The following ASNS variants were observed in gnomAD, a reference collection of about 807,000 sequenced individuals.
ASNS encodes the protein asparagine synthetase (glutamine-hydrolyzing).
ASNS carries 37 observed loss-of-function variants against 62.6 expected under a neutral mutation model. That is an observed-to-expected ratio of 0.59 (90% CI 0.45 to 0.78). The LOEUF (loss-of-function observed/expected upper bound fraction) is 0.78. Ranked by LOEUF, ASNS falls within the 30% of genes least tolerant of loss-of-function variation. ASNS has a pLI of 0.00. For missense variants in ASNS, 520 were observed against 682.4 expected (o/e 0.76, Z 2.65); for synonymous variants, 207 against 237.9 (o/e 0.87, Z 1.19).
the ASNS span, among the ~76,000 whole-genome samples, chr7:97,888,326 C>CTTTT: frequency 2.3e-5 from 3 of 132,422 alleles, no homozygotes; most frequent in African/African-American, 5.4e-5. Flanking sequence ...GGGTTGCTTT[C>CTTTT]TTTTTTTTTT....
chr7:97,854,158 C>T (rs1012392190), intron 10 of ASNS, among the ~76,000 whole-genome samples: 1 of 152,196 alleles, frequency 6.6e-6, no homozygotes, highest in African/African-American at 2.4e-5. Flanking sequence ...ACTACAGCAC[C>T]ACATGGGCAT....
chr7:97,897,492 C>G, the ASNS span, among the ~76,000 whole-genome samples: 64 of 152,232 alleles, frequency 4.2e-4, no homozygotes, highest in African/African-American at 1.2e-3. Context: ...TACAAATCAC[C>G]AAGTTTATGA....
At chr7:97,855,278 G>T (rs1274285876) in intron 9 of ASNS, 75 bp downstream of exon 9, 9 of 1,067,400 alleles carry the variant, frequency 8.4e-6, no homozygotes, top group Non-Finnish European at 1.3e-5. Flanking sequence ...CATACTGAAA[G>T]ATGATAGAAA....
At chr7:97,917,803 T>C in the ASNS span, among the ~76,000 whole-genome samples, 1 of 152,154 alleles carries the variant, frequency 6.6e-6, no homozygotes, top group Non-Finnish European at 1.5e-5. Flanking sequence ...GCAATGACAG[T>C]CAACCACGTA....
rs763435072 is a variant in ASNS at position 97,853,393 on chromosome 7, G to T, written c.1239-7C>A. 12 of 1,609,032 alleles carry T rather than the reference G, an allele frequency of 7.5e-6. No individual in the cohort carries two copies. Among genetic ancestry groups the T allele is most frequent in the Non-Finnish European group, 1.0e-5 (12 of 1,178,034 alleles). On this transcript the variant is annotated splice_region_variant and splice_polypyrimidine_tract_variant and intron_variant, in intron 10 of 12. Transcript: ENST00000394308. ...TGGGACTCTCAGTTCAAGACTTAAA[G>T]GAGAAAAGAAGAAAATCTAAATTAA... is the stretch of plus-strand genomic sequence containing the variant.
the ASNS span, among the ~76,000 whole-genome samples, chr7:97,901,130 T>C: frequency 3.3e-5 from 5 of 152,216 alleles, no homozygotes; most frequent in African/African-American, 1.2e-4. Context: ...ATCAAGGTGC[T>C]GGCCCAGCCA....
At chr7:97,854,771 C>A in intron 9 of ASNS, 91 bp from the exon 10 acceptor site, 3 of 1,579,736 alleles carry the variant, frequency 1.9e-6, no homozygotes, top group Non-Finnish European at 2.6e-6. Context: ...GTGGATAAGA[C>A]AAAAAGTTAA....
the ASNS span, among the ~76,000 whole-genome samples, chr7:97,925,193 T>C: frequency 6.6e-6 from 1 of 152,242 alleles, no homozygotes; most frequent in African/African-American, 2.4e-5. Flanking sequence ...TACTGTCTTA[T>C]TATCTCAGTA....
At chr7:97,912,690 C>T in the ASNS span, among the ~76,000 whole-genome samples, 1 of 140,692 alleles carries the variant, frequency 7.1e-6, no homozygotes, top group South Asian at 2.3e-4. Context: ...TCAAATGATT[C>T]TTGTGCCTCA....
the ASNS span, among the ~76,000 whole-genome samples, chr7:97,889,501 G>A: frequency 1.3e-5 from 2 of 151,170 alleles, no homozygotes; most frequent in Non-Finnish European, 2.9e-5. Context: ...TGGTGACAGA[G>A]CTAGACTCCA....
Position 97,854,291 on chromosome 7 carries a change from T to C in ASNS, c.1238+289A>G, listed in dbSNP as rs77387350. On this transcript the variant is annotated intron_variant, in intron 10 of 12. Coordinates refer to ENST00000394308, the MANE Select transcript of ASNS (RefSeq NM_001673.5). ...TGGTTGTTCAGATGTGAGCAGAATG[T>C]TGTTACCCTTTAAAGGTGAAAACTC... 0.023 allele frequency among the ~76,000 whole-genome samples: 3,535 copies of C among 152,274 alleles called. 147 individuals are homozygous for C. Among genetic ancestry groups the C allele is most frequent in the African/African-American group, 0.08 (3,343 of 41,534 alleles).
the ASNS span, among the ~76,000 whole-genome samples, chr7:97,920,750 C>T: frequency 1.3e-5 from 2 of 152,248 alleles, no homozygotes; most frequent in East Asian, 3.8e-4. Context: ...AAATTAAATG[C>T]ACCATCTGGT....
the ASNS span, among the ~76,000 whole-genome samples, chr7:97,900,061 C>T: frequency 2.0e-5 from 3 of 150,412 alleles, no homozygotes; most frequent in Non-Finnish European, 4.4e-5. Context: ...TGGCTAGAAT[C>T]GAAGATAGAG....
chr7:97,912,210 C>T, the ASNS span, among the ~76,000 whole-genome samples: 63 of 152,314 alleles, frequency 4.1e-4, no homozygotes, highest in African/African-American at 1.4e-3. Context: ...AAGTCTCTGT[C>T]TCTAGAGATA....
intron 7 of ASNS, among the ~76,000 whole-genome samples, chr7:97,857,637 A>C (rs1049755940): frequency 6.6e-5 from 9 of 137,136 alleles, no homozygotes; most frequent in African/African-American, 9.7e-5. Flanking sequence ...AAAAAAAAAA[A>C]CGAACAAAAA....
Position 97,864,485 on chromosome 7 carries a change from A to G in ASNS, c.261T>C (p.His87=), listed in dbSNP as rs1235090884. 2 of 1,613,404 alleles carry G rather than the reference A, an allele frequency of 1.2e-6. No individual in the cohort carries two copies. ...CTTTGGTCTGGTATTCAAATTCAAA[A>G]TGCTGTTGCATCTTAGGAAGCGAAA... is the stretch of plus-strand genomic sequence containing the variant. ...EIYNHKKMQQ[H]FEFEYQTKVD... Residue 87 remains histidine (H), a synonymous_variant, in exon 4 of 13, where the codon CAT becomes CAC. Transcript: ENST00000394308.
At chr7:97,866,630 G>A (rs1362154917) in intron 3 of ASNS, among the ~76,000 whole-genome samples, 1 of 152,186 alleles carries the variant, frequency 6.6e-6, no homozygotes, top group Non-Finnish European at 1.5e-5. Flanking sequence ...TTTAAATCAG[G>A]TGGAAATCCT....
the ASNS span, among the ~76,000 whole-genome samples, chr7:97,909,229 T>C: frequency 6.6e-6 from 1 of 152,142 alleles, no homozygotes; most frequent in South Asian, 2.1e-4. Flanking sequence ...GTTTTTGTTG[T>C]TCAGTAAATG....
the ASNS span, among the ~76,000 whole-genome samples, chr7:97,911,593 G>A: frequency 6.6e-6 from 1 of 151,818 alleles, no homozygotes; most frequent in South Asian, 2.1e-4. Flanking sequence ...AGTGAGCCAA[G>A]GTCACGCCAC....
Sources: allele counts gnomAD v4.1 joint callset (sites outside exome capture counted in the v4.1 genomes callset), GRCh38; gene constraint gnomAD v4.1.1; transcripts MANE v1.5; gene names NCBI Gene and HGNC (gene_info 2026-07-23, HGNC 2026-07-21).